Variants in PLCE1 observed in about 807,000 individuals in gnomAD.
PLCE1 encodes phospholipase C epsilon 1, also known as 1-phosphatidylinositol 4,5-bisphosphate phosphodiesterase epsilon-1.
In PLCE1, 119 loss-of-function variants were observed where a neutral mutation model predicts 242.8. The observed-to-expected ratio is 0.49, with a 90% confidence interval of 0.42 to 0.57. The LOEUF is 0.57. Ranked by LOEUF, PLCE1 falls within the 20% of genes least tolerant of loss-of-function variation. The pLI, the probability that PLCE1 is intolerant of heterozygous loss-of-function variation, is 0.00. For missense variants in PLCE1, 2,441 were observed against 2,788.8 expected, an observed-to-expected ratio of 0.88 and a Z score of 2.81; for synonymous variants, 945 against 1,017.4, an observed-to-expected ratio of 0.93 and a Z score of 1.35.
chr10:94,066,335 T>C (rs1394227137), intron 2 of PLCE1, among the ~76,000 whole-genome samples: 1 of 152,266 alleles, frequency 6.6e-6, no homozygotes, highest in African/African-American at 2.4e-5. Context: ...AGCTCTCAGT[T>C]AATATTTATT....
At position 94,306,736 on chromosome 10, in the gene PLCE1, G is replaced by A. The variant is rs1170023954; in HGVS notation, c.5884+48G>A. ...TTAATAATTGTTGTAGCTAGGTGAT[G>A]GATGCCAGAATTTCCTTATACTCTT... On this transcript the variant is annotated intron_variant, in intron 26 of 32. Transcript: ENST00000371380. This position sits in a 1 kb window ranked among gnomAD's most constrained non-coding sequence, Gnocchi z 5.7. 2 of 1,408,546 alleles carry A rather than the reference G, an allele frequency of 1.4e-6. No individual in the cohort carries two copies. Among genetic ancestry groups the A allele is most frequent in the Non-Finnish European group, 2.0e-6 (2 of 1,008,908 alleles). The allele number at this position is 1,408,546 out of a possible 1,614,324, so 87.3% of individuals were successfully genotyped here. A position where few individuals can be genotyped will look rare whatever the true frequency, so the allele number is the denominator to read the frequency against.
intron 4 of PLCE1, among the ~76,000 whole-genome samples, chr10:94,204,751 G>A (rs2136835318): frequency 1.3e-5 from 1 of 77,468 alleles, no homozygotes; most frequent in African/African-American, 5.2e-5. Flanking sequence ...AGGGAGGGAG[G>A]AAGGAAGGAA....
At chr10:94,143,646 A>G (rs974588137) in intron 3 of PLCE1, among the ~76,000 whole-genome samples, 1 of 152,230 alleles carries the variant, frequency 6.6e-6, no homozygotes, top group Admixed American at 6.5e-5. Flanking sequence ...TCTTCAAACC[A>G]AGAAATAGTG....
intron 2 of PLCE1, among the ~76,000 whole-genome samples, chr10:94,126,852 A>G (rs2046450462): frequency 6.6e-6 from 1 of 152,200 alleles, no homozygotes; most frequent in Admixed American, 6.5e-5. Context: ...AAACAATAAC[A>G]ACAGCATTGT....
chr10:94,279,987 G>A (rs1482418526), intron 20 of PLCE1, 76 bp downstream of exon 20: 2 of 1,483,646 alleles, frequency 1.3e-6, no homozygotes, highest in Non-Finnish European at 1.9e-6. Context: ...TCTAAAATAA[G>A]TCTAGAGCGC....
chr10:94,009,284 T>C (rs142221313), intron 1 of PLCE1, among the ~76,000 whole-genome samples: 157 of 152,144 alleles, frequency 1.0e-3, no homozygotes, highest in African/African-American at 3.7e-3. Context: ...CCAGATCTCA[T>C]GTGAACTAAT....
At chr10:94,201,304 A>T (rs963542107) in intron 4 of PLCE1, among the ~76,000 whole-genome samples, 1 of 152,168 alleles carries the variant, frequency 6.6e-6, no homozygotes, top group African/African-American at 2.4e-5. Flanking sequence ...AGCAGTCCCT[A>T]CCCTACCACT....
chr10:94,313,516 T>A lies in PLCE1; in HGVS notation c.6132+134T>A, dbSNP rs192826277. Reference sequence around the variant, plus strand: ...AAAAGTCCATGTGGATGATATGCCTTTTGATTATTTGGAAATGTGTTATTC... The same window carrying A: ...AAAAGTCCATGTGGATGATATGCCTATTGATTATTTGGAAATGTGTTATTC... On this transcript the variant is annotated intron_variant, in intron 28 of 32. Transcript: ENST00000371380. 1.5e-5 allele frequency: 15 copies of A among 979,136 alleles called. No homozygotes were observed. In the East Asian group the frequency reaches 3.7e-4, roughly 24 times the overall value. The allele number at this position is 979,136 out of a possible 1,614,324, so 60.7% of individuals were successfully genotyped here. A position where few individuals can be genotyped will look rare whatever the true frequency, so the allele number is the denominator to read the frequency against.
rs1356269652 is a variant in PLCE1 at position 94,316,617 on chromosome 10, T to C, written c.6203T>C (p.Ile2068Thr). 3 of 1,607,922 alleles carry C rather than the reference T, an allele frequency of 1.9e-6. No homozygotes were observed. In the South Asian group the frequency reaches 3.3e-5, roughly 18 times the overall value. Reference sequence around the variant, plus strand: ...TTTTTGATGGAAGAAAAATATTTTATATCTAAAGAAAAGAATGAATGTAGG... The same window carrying C: ...TTTTTGATGGAAGAAAAATATTTTACATCTAAAGAAAAGAATGAATGTAGG... The part of the protein sequence containing the change: ...DYFLMEEKYF[I>T]SKEKNECRKQ... The change falls in exon 29 of 33, where the codon ATA becomes ACA. Residue 2068 changes from isoleucine (I) to threonine (T), a missense_variant. By Grantham distance (89) the Ile-to-Thr change is moderately conservative. Around this residue, in one of 5 missense-constraint regions of PLCE1, gnomAD observed 310 missense variants for 317.2 expected, o/e 0.98. Coordinates refer to ENST00000371380, the MANE Select transcript of PLCE1 (RefSeq NM_016341.4).
intron 3 of PLCE1, among the ~76,000 whole-genome samples, chr10:94,153,168 A>G (rs1297086880): frequency 6.6e-6 from 1 of 152,170 alleles, no homozygotes; most frequent in Non-Finnish European, 1.5e-5. Flanking sequence ...GAATTGCAAA[A>G]CGACAGTAAA....
chr10:94,039,335 T>C (rs1270462875), intron 2 of PLCE1, among the ~76,000 whole-genome samples: 2 of 152,132 alleles, frequency 1.3e-5, no homozygotes, highest in South Asian at 2.1e-4. Context: ...CAGCTGCACA[T>C]TTTACATTCC....
At chr10:94,311,173 C>T (rs567674788) in intron 27 of PLCE1, among the ~76,000 whole-genome samples, 10 of 152,248 alleles carry the variant, frequency 6.6e-5, no homozygotes, top group Admixed American at 5.9e-4. Context: ...TGGAAGCTCT[C>T]GGAACCCCAT....
chr10:94,249,083 A>G (rs970878749), intron 8 of PLCE1, among the ~76,000 whole-genome samples: 5 of 152,154 alleles, frequency 3.3e-5, no homozygotes, highest in Non-Finnish European at 7.3e-5. Context: ...CCAAGATGTT[A>G]CAGTGTAGAG....
intron 22 of PLCE1, among the ~76,000 whole-genome samples, chr10:94,286,408 A>G (rs2052449617): frequency 6.6e-6 from 1 of 152,148 alleles, no homozygotes; most frequent in African/African-American, 2.4e-5. Context: ...AGCAGGAGAA[A>G]TGCTTGAGTC....
chr10:94,201,966 C>T (rs2049000499), intron 4 of PLCE1, among the ~76,000 whole-genome samples: 1 of 152,082 alleles, frequency 6.6e-6, no homozygotes, highest in Non-Finnish European at 1.5e-5. Context: ...AAAAATCTAG[C>T]AGATAATCAT....
In PLCE1 at chr10:94,092,010, G is replaced by A. The variant is rs1589996980; in HGVS notation, c.1207-40164G>A. Among the ~76,000 whole-genome samples the A allele has an allele frequency of 4.6e-5, 7 of 152,294 alleles. No individual in the cohort carries two copies. In the South Asian group the frequency reaches 1.5e-3, roughly 32 times the overall value. ...AAAGAAATACCATAGAAGGTACAGG[G>A]AGGTGTCTGTGTGTGAGCCACTGTA... On this transcript the variant is annotated intron_variant, in intron 2 of 32. Coordinates refer to ENST00000371380, the MANE Select transcript of PLCE1 (RefSeq NM_016341.4).
At chr10:94,291,240 C>T (rs1440822414) in intron 22 of PLCE1, among the ~76,000 whole-genome samples, 1 of 152,176 alleles carries the variant, frequency 6.6e-6, no homozygotes, top group Non-Finnish European at 1.5e-5. Flanking sequence ...TCTCCTGCCT[C>T]AGCCTCCCAA....
At chr10:94,060,431 A>C (rs1268662943) in intron 2 of PLCE1, among the ~76,000 whole-genome samples, 1 of 152,184 alleles carries the variant, frequency 6.6e-6, no homozygotes. Context: ...GAATAAAGGT[A>C]TGAAAAATAA....
At chr10:94,293,051 A>T (rs2052694369) in intron 22 of PLCE1, among the ~76,000 whole-genome samples, 1 of 152,230 alleles carries the variant, frequency 6.6e-6, no homozygotes, top group African/African-American at 2.4e-5. Flanking sequence ...CATTTTGTAG[A>T]TAAGGAAACT....
Sources: allele counts gnomAD v4.1 joint callset (sites outside exome capture counted in the v4.1 genomes callset), GRCh38; gene constraint gnomAD v4.1.1; regional missense constraint gnomAD v4.1.1; non-coding constraint Gnocchi (gnomAD v3.1); transcripts MANE v1.5; gene names NCBI Gene and HGNC (gene_info 2026-07-23, HGNC 2026-07-21).